Variants in HMCN2 observed in about 807,000 individuals in gnomAD.
The protein encoded by HMCN2 is hemicentin-2.
Under a neutral mutation model 377.5 loss-of-function variants are expected in HMCN2, and 325 were observed. That is an observed-to-expected ratio of 0.86 (90% CI 0.79 to 0.94). HMCN2 has a LOEUF of 0.94. HMCN2 is among the 40% of genes least tolerant of loss of function. HMCN2 has a pLI of 0.00. For synonymous variants in HMCN2, 2,007 were observed against 2,046.8 expected (o/e 0.98, Z 0.53); for missense variants, 4,543 against 4,725.3 (o/e 0.96, Z 1.13).
chr9:130,373,707 A>AGATGGATGGATGGATGGAAGGATG (rs1841199029), intron 48 of HMCN2, among the ~76,000 whole-genome samples: 1 of 115,354 alleles, frequency 8.7e-6, no homozygotes, highest in South Asian at 3.2e-4. Context: ...ATGGATAGGT[A>AGATGGATGGATGGATGGAAGGATG]GATGGATGGA....
In HMCN2 at chr9:130,272,482, C is replaced by G. The variant is rs927501589; in HGVS notation, c.259+6345C>G. ...TCTTGAACTCCTGACCTCAAAGGAT[C>G]CTCCTGCCTTGGCCTCCCAAAGTCC... On this transcript the variant is annotated intron_variant, in intron 1 of 97. Transcript: ENST00000683500. 2.4e-5 allele frequency among the ~76,000 whole-genome samples: 3 copies of G among 124,408 alleles called. 1 individual carries two copies. The highest frequency in any genetic ancestry group is 7.7e-5 in the Admixed American group (1 of 12,920). 81.6% of individuals were successfully genotyped at this position (124,408 alleles called of 152,430 possible). A position where few individuals can be genotyped will look rare whatever the true frequency, so the allele number is the denominator to read the frequency against.
intron 13 of HMCN2, among the ~76,000 whole-genome samples, 152 bp from the exon 14 acceptor site, chr9:130,307,301 G>C (rs113686213): frequency 6.6e-6 from 1 of 152,116 alleles, no homozygotes; most frequent in African/African-American, 2.4e-5. Flanking sequence ...TGGAGGGACC[G>C]GGAGGGGGCA....
Position 130,351,819 on chromosome 9 carries a change from G to GT in HMCN2, c.4585+252dup, listed in dbSNP as rs892182934. On this transcript the variant is annotated intron_variant, in intron 30 of 97. Transcript: ENST00000683500. This position sits in a 1 kb window ranked among gnomAD's most constrained non-coding sequence, Gnocchi z 5.4. ...CCAGCTCTAAAAATTTACTACTTAT[G>GT]TTTTTTTTTTGAGATGAATTCTCTC... is the stretch of plus-strand genomic sequence containing the variant. Among the ~76,000 whole-genome samples, 36 of 149,790 alleles carry GT rather than the reference G, an allele frequency of 2.4e-4. No homozygotes were observed. Among genetic ancestry groups the GT allele is most frequent in the East Asian group, 2.0e-3 (10 of 5,102 alleles).
chr9:130,275,911 C>G (rs1834667578), intron 1 of HMCN2, among the ~76,000 whole-genome samples: 1 of 152,120 alleles, frequency 6.6e-6, no homozygotes, highest in Non-Finnish European at 1.5e-5. Flanking sequence ...CTGGACTAGG[C>G]ACGTCCCTGT....
intron 83 of HMCN2, among the ~76,000 whole-genome samples, chr9:130,407,911 C>T (rs1843186643): frequency 6.6e-6 from 1 of 152,208 alleles, no homozygotes. Context: ...TGGGGTGAGG[C>T]CTAGGCATCG....
chr9:130,378,863 T>C (rs1221965061), intron 53 of HMCN2, among the ~76,000 whole-genome samples: 1 of 152,124 alleles, frequency 6.6e-6, no homozygotes, highest in African/African-American at 2.4e-5. Flanking sequence ...AAAATGCAGG[T>C]GATCAGAGCA....
chr9:130,424,344 A>AG (rs1280432335), intron 87 of HMCN2, among the ~76,000 whole-genome samples: 100 of 91,834 alleles, frequency 1.1e-3, no homozygotes, highest in Non-Finnish European at 1.9e-3. Context: ...GCGCCCGGCT[A>AG]ATTTTTTTTT....
chr9:130,420,040 T>C (rs1316933176), intron 86 of HMCN2, among the ~76,000 whole-genome samples: 2 of 150,838 alleles, frequency 1.3e-5, no homozygotes, highest in African/African-American at 4.9e-5. Flanking sequence ...CAGACCCCCA[T>C]GTATTTCAGG....
chr9:130,417,961 T>C (rs1843784564), intron 85 of HMCN2, among the ~76,000 whole-genome samples: 1 of 152,156 alleles, frequency 6.6e-6, no homozygotes. Flanking sequence ...CAGGAGGGTC[T>C]ATAATAGTAA....
chr9:130,348,828 T>C (rs1839537024), intron 27 of HMCN2, 153 bp downstream of exon 27: 1 of 967,840 alleles, frequency 1.0e-6, no homozygotes, highest in Non-Finnish European at 1.2e-6. Context: ...TGGAGGATAG[T>C]GGTCATGTAG....
intron 4 of HMCN2, among the ~76,000 whole-genome samples, chr9:130,293,303 G>GTTTTTTTTTTTTT (rs1588186458): frequency 1.3e-5 from 1 of 77,304 alleles, no homozygotes; most frequent in African/African-American, 9.0e-5. Context: ...TTTTTTTTGC[G>GTTTTTTTTTTTTT]GTTCTTGTTG....
intron 61 of HMCN2, 46 bp downstream of exon 61, chr9:130,386,570 C>A: frequency 8.1e-7 from 1 of 1,228,310 alleles, no homozygotes; most frequent in African/African-American, 1.6e-5. Flanking sequence ...GAGCCCCTAG[C>A]AACACCCAGG....
intron 15 of HMCN2, among the ~76,000 whole-genome samples, chr9:130,310,477 A>T (rs541925013): frequency 6.6e-6 from 1 of 152,098 alleles, no homozygotes; most frequent in South Asian, 2.1e-4. Context: ...AGAGAAAGAG[A>T]GAGAGAGACA....
chr9:130,348,088 G>A (rs1214898949), intron 26 of HMCN2: 6 of 976,856 alleles, frequency 6.1e-6, no homozygotes, highest in African/African-American at 1.8e-5. Flanking sequence ...AACTGGCCCC[G>A]CTTGGGCAGT....
chr9:130,379,030 G>C (rs1841555449), intron 53 of HMCN2, among the ~76,000 whole-genome samples: 1 of 152,178 alleles, frequency 6.6e-6, no homozygotes, highest in Non-Finnish European at 1.5e-5. Flanking sequence ...GACATGAGCT[G>C]CTTAGGGAAT....
intron 22 of HMCN2, among the ~76,000 whole-genome samples, chr9:130,331,267 A>G (rs1021141415): frequency 6.6e-6 from 1 of 152,064 alleles, no homozygotes; most frequent in Admixed American, 6.5e-5. Context: ...GCGGTCATAA[A>G]TGGGACTGTT....
At chr9:130,285,845 G>C (rs1835385413) in intron 3 of HMCN2, among the ~76,000 whole-genome samples, 1 of 152,122 alleles carries the variant, frequency 6.6e-6, no homozygotes, top group African/African-American at 2.4e-5. Flanking sequence ...AACTTGCTTG[G>C]GTTCTTCAAG....
In HMCN2 at chr9:130,277,901, TCATCATCAC is replaced by T. The variant is rs1834834853; in HGVS notation, c.260-6699_260-6691del. ...ACCACCATCATCATCACCACCACCATCATCATCACCACCACCACCATCATCATCATCACC... is the reference window on the plus strand; with the variant it reads ...ACCACCATCATCATCACCACCACCATCACCACCACCATCATCATCATCACC... On this transcript the variant is annotated intron_variant, in intron 1 of 97. Coordinates refer to ENST00000683500, the MANE Select transcript of HMCN2 (RefSeq NM_001291815.2). 2.1e-4 allele frequency among the ~76,000 whole-genome samples: 3 copies of T among 14,622 alleles called. 1 individual carries two copies. Among genetic ancestry groups the T allele is most frequent in the Non-Finnish European group, 3.4e-4 (3 of 8,772 alleles). The allele number at this position is 14,622 out of a possible 152,430, so 9.6% of individuals were successfully genotyped here. A position where few individuals can be genotyped will look rare whatever the true frequency, so the allele number is the denominator to read the frequency against.
intron 21 of HMCN2, among the ~76,000 whole-genome samples, chr9:130,326,826 A>G (rs1838157791): frequency 1.3e-5 from 2 of 152,136 alleles, no homozygotes; most frequent in African/African-American, 4.8e-5. Flanking sequence ...GCTTAAGGTG[A>G]GAGAGACGTG....
Sources: allele counts gnomAD v4.1 joint callset (sites outside exome capture counted in the v4.1 genomes callset), GRCh38; gene constraint gnomAD v4.1.1; non-coding constraint Gnocchi (gnomAD v3.1); transcripts MANE v1.5; gene names NCBI Gene and HGNC (gene_info 2026-07-23, HGNC 2026-07-21).